EFHD1: variants seen among roughly 807,000 people sequenced by gnomAD.
EFHD1 encodes the protein EF-hand domain family member D1.
Under a neutral mutation model 17.2 loss-of-function variants are expected in EFHD1, and 10 were observed. The ratio of observed to expected loss-of-function variants is 0.58; its 90% CI spans 0.36 to 0.99. The LOEUF is 0.99. Ranked by LOEUF, EFHD1 falls within the 50% of genes least tolerant of loss-of-function variation. The probability of loss-of-function intolerance (pLI) is 0.01; values close to 1 mark genes in which losing one functional copy is unlikely to be tolerated. For synonymous variants in EFHD1, 153 were observed against 142.0 expected, an observed-to-expected ratio of 1.08 and a Z score of -0.55; for missense variants, 310 against 327.5, an observed-to-expected ratio of 0.95 and a Z score of 0.41.
chr2:232,665,114 G>C (rs1306665787), intron 2 of EFHD1, among the ~76,000 whole-genome samples: 1 of 152,044 alleles, frequency 6.6e-6, no homozygotes, highest in Non-Finnish European at 1.5e-5. Flanking sequence ...GTCTTATTCT[G>C]TGCCTGTGGA....
chr2:232,661,091 T>C (rs893661872), intron 1 of EFHD1, among the ~76,000 whole-genome samples: 2 of 151,858 alleles, frequency 1.3e-5, no homozygotes, highest in African/African-American at 2.4e-5. Flanking sequence ...GAGGTTGCAG[T>C]GAGCAGAGAT....
chr2:232,681,191 A>G (rs1022265713), intron 3 of EFHD1, among the ~76,000 whole-genome samples: 1 of 152,140 alleles, frequency 6.6e-6, no homozygotes, highest in Non-Finnish European at 1.5e-5. Flanking sequence ...AATAAAAAAA[A>G]TAAATCCCAT....
chr2:232,625,800 A>G (rs1694095977), intron 1 of EFHD1, among the ~76,000 whole-genome samples: 2 of 152,184 alleles, frequency 1.3e-5, no homozygotes, highest in Non-Finnish European at 2.9e-5. Flanking sequence ...ACATCACCTT[A>G]GCCTGAATTA....
chr2:232,678,525 C>G (rs1215664458), intron 3 of EFHD1, among the ~76,000 whole-genome samples: 1 of 152,212 alleles, frequency 6.6e-6, no homozygotes, highest in Non-Finnish European at 1.5e-5. Context: ...TGGCTCATGC[C>G]TGTAATCCTA....
At chr2:232,612,644 G>A (rs548872276) in intron 1 of EFHD1, among the ~76,000 whole-genome samples, 4 of 152,220 alleles carry the variant, frequency 2.6e-5, no homozygotes, top group African/African-American at 7.2e-5. Context: ...TGAGGATATG[G>A]AGCAAGGCAG....
At chr2:232,614,537 A>G (rs530080792) in intron 1 of EFHD1, among the ~76,000 whole-genome samples, 2 of 152,364 alleles carry the variant, frequency 1.3e-5, no homozygotes, top group East Asian at 3.9e-4. Flanking sequence ...GTAGGAAAGC[A>G]GTGTGTAGTA....
chr2:232,677,650 G>C (rs1242956924), intron 3 of EFHD1, among the ~76,000 whole-genome samples: 18 of 152,128 alleles, frequency 1.2e-4, no homozygotes, highest in Admixed American at 1.2e-3. Flanking sequence ...TTGAGCCTGG[G>C]AGATTGAGGC....
chr2:232,656,359 A>G (rs1181364519), intron 1 of EFHD1, among the ~76,000 whole-genome samples: 1 of 151,250 alleles, frequency 6.6e-6, no homozygotes, highest in African/African-American at 2.4e-5. Flanking sequence ...GTTGCAAGTG[A>G]GCGCCATTTC....
chr2:232,646,594 G>T lies in EFHD1; in HGVS notation c.302+12588G>T, dbSNP rs1390176523. ...TGAGTAGCTGAGATTACAGGCATGC[G>T]CCACCATGCCCAGCTAATTTTTGTA... On this transcript the variant is annotated intron_variant, in intron 1 of 3. Transcript: ENST00000264059. Among the ~76,000 whole-genome samples the T allele has an allele frequency of 2.0e-5, 3 of 151,542 alleles. No homozygotes were observed. In the East Asian group the frequency reaches 5.8e-4, roughly 29 times the overall value.
At chr2:232,677,220 A>T (rs945863293) in intron 3 of EFHD1, among the ~76,000 whole-genome samples, 2 of 138,034 alleles carry the variant, frequency 1.4e-5, no homozygotes, top group Admixed American at 1.5e-4. Flanking sequence ...ACACACACAC[A>T]CACACACACA....
chr2:232,643,191 GAAAA>G (rs898404475), intron 1 of EFHD1, among the ~76,000 whole-genome samples: 1 of 142,550 alleles, frequency 7.0e-6, no homozygotes, highest in Non-Finnish European at 1.5e-5. Context: ...AGCTAGAAGT[GAAAA>G]AAAAAAAGAA....
intron 1 of EFHD1, among the ~76,000 whole-genome samples, chr2:232,662,228 C>T (rs755464897): frequency 6.6e-6 from 1 of 151,962 alleles, no homozygotes; most frequent in Non-Finnish European, 1.5e-5. Flanking sequence ...TAGACACGGC[C>T]GTTCAGAGCT....
chr2:232,664,240 C>T (rs895896924), intron 2 of EFHD1, among the ~76,000 whole-genome samples: 1 of 151,896 alleles, frequency 6.6e-6, no homozygotes, highest in African/African-American at 2.4e-5. Flanking sequence ...CCAGTATCAA[C>T]CCATCCTCCC....
intron 1 of EFHD1, among the ~76,000 whole-genome samples, chr2:232,607,981 A>G (rs1693751198): frequency 6.6e-6 from 1 of 151,944 alleles, no homozygotes; most frequent in Non-Finnish European, 1.5e-5. Context: ...GAAGGTAACC[A>G]CTAACAAGAT....
chr2:232,664,799 G>A (rs1386407151), intron 2 of EFHD1, among the ~76,000 whole-genome samples: 1 of 151,078 alleles, frequency 6.6e-6, no homozygotes, highest in Non-Finnish European at 1.5e-5. Context: ...ATTTTTAGTA[G>A]AGACGGGGTT....
At chr2:232,666,693 C>T (rs757126203) in intron 2 of EFHD1, among the ~76,000 whole-genome samples, 1 of 152,194 alleles carries the variant, frequency 6.6e-6, no homozygotes, top group African/African-American at 2.4e-5. Flanking sequence ...CGTTCCAAAG[C>T]TTCAGGGACA....
Position 232,681,838 on chromosome 2 carries a change from C to CCCCGTGCCAGCT in EFHD1, c.*131_*142dup, listed in dbSNP as rs1695288944. ...CCTGAGCCAGCATCTCCATCCACCACCCCGTGCCAGCTCCCGTGCCAGCCT... is the reference window on the plus strand; with the variant it reads ...CCTGAGCCAGCATCTCCATCCACCACCCCGTGCCAGCTCCCGTGCCAGCTCCCGTGCCAGCCT... On this transcript the variant is annotated 3_prime_UTR_variant, in exon 4 of 4. Transcript: ENST00000264059. 7.0e-7 allele frequency: 1 copy of CCCCGTGCCAGCT among 1,421,592 alleles called. No homozygotes were observed. Among genetic ancestry groups the CCCCGTGCCAGCT allele is most frequent in the East Asian group, 2.5e-5 (1 of 39,292 alleles). The allele number at this position is 1,421,592 out of a possible 1,614,324, so 88.1% of individuals were successfully genotyped here. A position where few individuals can be genotyped will look rare whatever the true frequency, so the allele number is the denominator to read the frequency against.
At chr2:232,639,976 C>A (rs1694397593) in intron 1 of EFHD1, among the ~76,000 whole-genome samples, 2 of 152,194 alleles carry the variant, frequency 1.3e-5, no homozygotes, top group South Asian at 4.1e-4. Flanking sequence ...CACACTTGGC[C>A]TCCTCCACAT....
At chr2:232,613,909 T>C (rs1192203565) in intron 1 of EFHD1, among the ~76,000 whole-genome samples, 2 of 148,310 alleles carry the variant, frequency 1.3e-5, no homozygotes, top group Non-Finnish European at 3.0e-5. Context: ...CATACAAATA[T>C]ACACACACAA....
Sources: gnomAD v4.1 joint callset for allele counts (sites outside exome capture counted in the v4.1 genomes callset) on GRCh38, gnomAD v4.1.1 for gene constraint, MANE v1.5 for transcripts, NCBI Gene and HGNC (gene_info 2026-07-23, HGNC 2026-07-21) for gene names.